The following EFR3A variants were observed in gnomAD, a reference collection of about 807,000 sequenced individuals.
The protein encoded by EFR3A is EFR3 homolog A, also known as protein EFR3 homolog A.
Under a neutral mutation model 104.4 loss-of-function variants are expected in EFR3A, and 76 were observed. The observed-to-expected ratio is 0.73, with a 90% CI of 0.60 to 0.88. EFR3A has a LOEUF of 0.88. Among genes scored for constraint, EFR3A ranks in the 40% least tolerant of loss-of-function variants. The pLI, the probability that EFR3A is intolerant of heterozygous loss-of-function variation, is 0.00. For missense variants in EFR3A, 985 were observed against 1,012.5 expected, an observed-to-expected ratio of 0.97 and a Z score of 0.37; for synonymous variants, 330 against 330.0, an observed-to-expected ratio of 1.00 and a Z score of 0.00.
chr8:131,956,824 T>TC (rs1819022949), intron 7 of EFR3A, among the ~76,000 whole-genome samples: 2 of 152,132 alleles, frequency 1.3e-5, no homozygotes, highest in African/African-American at 4.8e-5. Flanking sequence ...GTTTAAAGGC[T>TC]CCCTAAGCTT....
chr8:131,919,368 C>T (rs188289317), intron 1 of EFR3A, among the ~76,000 whole-genome samples: 306 of 152,076 alleles, frequency 2.0e-3, no homozygotes, highest in Middle Eastern at 3.4e-3. Flanking sequence ...GCGGTCGAGG[C>T]GGGTGGATCA....
intron 8 of EFR3A, among the ~76,000 whole-genome samples, chr8:131,967,027 C>T (rs1819778830): frequency 1.3e-5 from 2 of 151,954 alleles, no homozygotes; most frequent in Admixed American, 6.6e-5. Flanking sequence ...CTGCAGTGTC[C>T]CCATTTGGAC....
At chr8:131,920,675 A>G (rs1053779174) in intron 1 of EFR3A, among the ~76,000 whole-genome samples, 3 of 151,630 alleles carry the variant, frequency 2.0e-5, no homozygotes, top group Admixed American at 6.6e-5. Flanking sequence ...TCCAAAGTAG[A>G]CAGTTCAGAT....
chr8:131,921,654 TAAGTG>T (rs1396763125), intron 1 of EFR3A, among the ~76,000 whole-genome samples: 1 of 152,196 alleles, frequency 6.6e-6, no homozygotes, highest in African/African-American at 2.4e-5. Flanking sequence ...TACCTAAACT[TAAGTG>T]AAGTGTATGT....
intron 3 of EFR3A, 41 bp from the exon 4 acceptor site, chr8:131,946,442 G>C: frequency 6.7e-7 from 1 of 1,482,386 alleles, no homozygotes; most frequent in Non-Finnish European, 9.0e-7. Context: ...AGAATTAAGA[G>C]AGGTAGAAAT....
intron 8 of EFR3A, among the ~76,000 whole-genome samples, chr8:131,963,668 T>C (rs1163513114): frequency 6.6e-6 from 1 of 152,040 alleles, no homozygotes; most frequent in African/African-American, 2.4e-5. Context: ...ACCATGCCTT[T>C]TGAAACTATT....
intron 19 of EFR3A, among the ~76,000 whole-genome samples, chr8:132,000,464 A>C (rs1821733294): frequency 6.6e-6 from 1 of 152,156 alleles, no homozygotes; most frequent in Non-Finnish European, 1.5e-5. Context: ...GCTGCATCAT[A>C]ATTATCTGAA....
At chr8:131,995,954 C>T (rs1821458997) in intron 18 of EFR3A, among the ~76,000 whole-genome samples, 1 of 152,134 alleles carries the variant, frequency 6.6e-6, no homozygotes, top group South Asian at 2.1e-4. Flanking sequence ...ACATTGCTTC[C>T]CAAACTGTCA....
At chr8:131,928,374 TATC>T (rs1416203326) in intron 1 of EFR3A, among the ~76,000 whole-genome samples, 2 of 152,168 alleles carry the variant, frequency 1.3e-5, no homozygotes, top group Non-Finnish European at 2.9e-5. Context: ...TTCAGACATT[TATC>T]ATCAGATTTT....
chr8:131,965,969 C>A (rs538435150), intron 8 of EFR3A, among the ~76,000 whole-genome samples: 2 of 152,064 alleles, frequency 1.3e-5, no homozygotes, highest in East Asian at 1.9e-4. Flanking sequence ...GGACAAAAAA[C>A]CAAACACCGC....
chr8:131,989,449 A>C (rs1007552416), intron 18 of EFR3A, among the ~76,000 whole-genome samples: 15 of 152,196 alleles, frequency 9.9e-5, no homozygotes, highest in African/African-American at 3.6e-4. Context: ...TTTCTTATGT[A>C]ATTCTCATAA....
intron 1 of EFR3A, among the ~76,000 whole-genome samples, chr8:131,925,550 A>C (rs116510827): frequency 6.6e-6 from 1 of 152,176 alleles, no homozygotes; most frequent in African/African-American, 2.4e-5. Context: ...AGGACATTAA[A>C]TATGAAAACA....
At chr8:131,936,579 G>T (rs1327113105) in intron 1 of EFR3A, among the ~76,000 whole-genome samples, 1 of 151,934 alleles carries the variant, frequency 6.6e-6, no homozygotes, top group Non-Finnish European at 1.5e-5. Flanking sequence ...CCAGTTGGAA[G>T]CCCCAGGTTG....
intron 12 of EFR3A, among the ~76,000 whole-genome samples, chr8:131,977,412 A>AG (rs1479332099): frequency 4.6e-5 from 7 of 152,178 alleles, no homozygotes; most frequent in Admixed American, 1.3e-4. Context: ...GGGCTAAAAA[A>AG]CAGAACTCAG....
At chr8:131,976,251 A>G (rs1225523774) in intron 11 of EFR3A, 110 bp downstream of exon 11, 4 of 718,014 alleles carry the variant, frequency 5.6e-6, no homozygotes, top group Non-Finnish European at 9.5e-6. Flanking sequence ...TAGTAATAGC[A>G]TTCCTATGGA....
intron 1 of EFR3A, among the ~76,000 whole-genome samples, chr8:131,905,201 C>G (rs1816187649): frequency 6.6e-6 from 1 of 152,170 alleles, no homozygotes; most frequent in South Asian, 2.1e-4. Flanking sequence ...TTTGAGAATT[C>G]AAGTAGGACT....
intron 6 of EFR3A, among the ~76,000 whole-genome samples, chr8:131,954,367 AATG>A (rs1397598253): frequency 1.3e-5 from 2 of 151,692 alleles, no homozygotes; most frequent in African/African-American, 4.9e-5. Context: ...CCAAAATAAT[AATG>A]ATAATGATAA....
At chr8:131,964,710 G>GA (rs1819596422) in intron 8 of EFR3A, among the ~76,000 whole-genome samples, 1 of 151,894 alleles carries the variant, frequency 6.6e-6, no homozygotes, top group Non-Finnish European at 1.5e-5. Context: ...CATAGAATTG[G>GA]AAAAAACTAA....
At chr8:131,984,384 A>T (rs1820772179) in intron 15 of EFR3A, 84 bp downstream of exon 15, 2 of 1,322,174 alleles carry the variant, frequency 1.5e-6, no homozygotes, top group African/African-American at 1.5e-5. Context: ...ATCCAAGGAC[A>T]TGAATTTTAA....
Sources: gnomAD v4.1 joint callset for allele counts (sites outside exome capture counted in the v4.1 genomes callset) on GRCh38, gnomAD v4.1.1 for gene constraint, MANE v1.5 for transcripts, NCBI Gene and HGNC (gene_info 2026-07-23, HGNC 2026-07-21) for gene names.